CHSY3: variants seen among roughly 807,000 people sequenced by gnomAD.
CHSY3 encodes N-acetylgalactosaminyl-proteoglycan 3-beta-glucuronosyltransferase 3.
A neutral mutation model predicts 67.2 loss-of-function variants in CHSY3; 35 were observed. The ratio of observed to expected loss-of-function variants is 0.52; its 90% CI spans 0.40 to 0.69. CHSY3 has a LOEUF of 0.69. Ranked by LOEUF, CHSY3 falls within the 30% of genes least tolerant of loss-of-function variation. The pLI is 0.00. For missense variants in CHSY3, 1,069 were observed against 1,138.5 expected (o/e 0.94, Z 0.88); for synonymous variants, 474 against 434.7 (o/e 1.09, Z -1.12).
chr5:130,061,877 C>T (rs1765723958), intron 2 of CHSY3, among the ~76,000 whole-genome samples: 2 of 149,358 alleles, frequency 1.3e-5, no homozygotes, highest in Non-Finnish European at 2.9e-5. Flanking sequence ...GTCAAAATGG[C>T]TATTATTAAA....
At chr5:130,037,367 AATC>A (rs1455492286) in intron 2 of CHSY3, among the ~76,000 whole-genome samples, 2 of 152,248 alleles carry the variant, frequency 1.3e-5, no homozygotes, top group East Asian at 3.9e-4. Flanking sequence ...CAGGAAGACA[AATC>A]ATGATGTGCC....
intron 2 of CHSY3, among the ~76,000 whole-genome samples, chr5:129,960,677 TC>T (rs1450168412): frequency 6.6e-6 from 1 of 151,974 alleles, no homozygotes; most frequent in Non-Finnish European, 1.5e-5. Flanking sequence ...AAGCTTTGTA[TC>T]AACATCTTTT....
rs1468717884 is a variant in CHSY3 at position 130,143,732 on chromosome 5, G to GTATATATATATATATA, written c.1087-40496_1087-40495insATATATATATATATAT. Among the ~76,000 whole-genome samples the GTATATATATATATATA allele has an allele frequency of 4.1e-4, 41 of 99,266 alleles. 1 individual carries two copies. Among genetic ancestry groups the GTATATATATATATATA allele is most frequent in the African/African-American group, 1.6e-3 (39 of 24,008 alleles). 65.1% of individuals were successfully genotyped at this position (99,266 alleles called of 152,430 possible). A position where few individuals can be genotyped will look rare whatever the true frequency, so the allele number is the denominator to read the frequency against. On this transcript the variant is annotated intron_variant, in intron 2 of 2. Coordinates refer to ENST00000305031, the MANE Select transcript of CHSY3 (RefSeq NM_175856.5). ...GGTATATATATATATGTGTGTGTGT[G>GTATATATATATATATA]TGTATATATATATATATATATATAT...
At chr5:130,175,659 T>A (rs1266533629) in intron 2 of CHSY3, among the ~76,000 whole-genome samples, 1 of 152,134 alleles carries the variant, frequency 6.6e-6, no homozygotes, top group Non-Finnish European at 1.5e-5. Context: ...AAAACAGATA[T>A]ATAGACCAAT....
chr5:130,076,620 G>GA lies in CHSY3; in HGVS notation c.1087-107601dup, dbSNP rs543965368. On this transcript the variant is annotated intron_variant, in intron 2 of 2. Coordinates refer to ENST00000305031, the MANE Select transcript of CHSY3 (RefSeq NM_175856.5). Reference sequence around the variant, plus strand: ...ATGCACACTTCATATGTTCTCTAAAGAAAAAAAATATGTTAAGATACATAC... The same window carrying GA: ...ATGCACACTTCATATGTTCTCTAAAGAAAAAAAAATATGTTAAGATACATAC... 4.7e-3 allele frequency among the ~76,000 whole-genome samples: 709 copies of GA among 150,272 alleles called. 10 individuals are homozygous for GA. Among genetic ancestry groups the GA allele is most frequent in the African/African-American group, 0.016 (661 of 41,070 alleles).
At chr5:130,044,374 G>C (rs774878417) in intron 2 of CHSY3, among the ~76,000 whole-genome samples, 19 of 152,014 alleles carry the variant, frequency 1.2e-4, no homozygotes, top group Non-Finnish European at 2.5e-4. Context: ...GATAACATGG[G>C]GTTTTGTAGG....
chr5:130,063,867 T>G (rs1315620395), intron 2 of CHSY3, among the ~76,000 whole-genome samples: 2 of 152,130 alleles, frequency 1.3e-5, no homozygotes, highest in Non-Finnish European at 2.9e-5. Flanking sequence ...AGAGAAGCCC[T>G]CATGGCCTAA....
chr5:130,137,299 G>C (rs573957375), intron 2 of CHSY3, among the ~76,000 whole-genome samples: 1 of 152,062 alleles, frequency 6.6e-6, no homozygotes, highest in South Asian at 2.1e-4. Flanking sequence ...CAGTCCTGTG[G>C]AACCACACAG....
chr5:130,143,746 ATATATATATATGTGTG>A (rs1768955417), intron 2 of CHSY3, among the ~76,000 whole-genome samples: 1 of 112,202 alleles, frequency 8.9e-6, no homozygotes, highest in Admixed American at 9.8e-5. Flanking sequence ...ATATATATAT[ATATATATATATGTGTG>A]TGTGTGTATA....
intron 2 of CHSY3, among the ~76,000 whole-genome samples, chr5:130,124,863 T>TA (rs942730026): frequency 1.3e-5 from 2 of 152,112 alleles, no homozygotes; most frequent in East Asian, 1.9e-4. Context: ...AAAAAAGAGT[T>TA]AAAAAAATGC....
At chr5:130,152,655 A>G (rs1245711996) in intron 2 of CHSY3, among the ~76,000 whole-genome samples, 2 of 152,202 alleles carry the variant, frequency 1.3e-5, no homozygotes, top group Non-Finnish European at 2.9e-5. Context: ...ACATACAGCA[A>G]TAGACACAAG....
chr5:130,009,490 C>T lies in CHSY3; in HGVS notation c.1086+101130C>T, dbSNP rs571661222. 3.8e-4 allele frequency among the ~76,000 whole-genome samples: 57 copies of T among 150,422 alleles called. No homozygotes were observed. The East Asian group carries it at 9.8e-3, about 26-fold the overall frequency. ...GAGTGCTAGACATGAAATCAAAAGA[C>T]ATTACTGGCCACCAAAAAAAAAAAG... On this transcript the variant is annotated intron_variant, in intron 2 of 2. Transcript: ENST00000305031.
At chr5:130,179,706 A>G (rs996090714) in intron 2 of CHSY3, among the ~76,000 whole-genome samples, 1 of 147,416 alleles carries the variant, frequency 6.8e-6, no homozygotes, top group African/African-American at 2.4e-5. Flanking sequence ...TGGGGGCAAA[A>G]GGAAGTGGTA....
intron 2 of CHSY3, among the ~76,000 whole-genome samples, chr5:130,043,026 A>T (rs1221575218): frequency 6.6e-6 from 1 of 152,096 alleles, no homozygotes. Context: ...AAATTTTTGC[A>T]AAGTTATTGT....
intron 2 of CHSY3, among the ~76,000 whole-genome samples, chr5:129,931,796 G>A (rs187164301): frequency 8.5e-4 from 129 of 152,062 alleles, no homozygotes; most frequent in African/African-American, 3.1e-3. Flanking sequence ...TCCTGGCATG[G>A]ATTTTGTCTT....
intron 2 of CHSY3, among the ~76,000 whole-genome samples, chr5:130,151,489 AGTGCTGGGAAC>A (rs1769230687): frequency 6.6e-6 from 1 of 152,222 alleles, no homozygotes; most frequent in South Asian, 2.1e-4. Flanking sequence ...TGCTAATCTC[AGTGCTGGGAAC>A]GTGGCTGTTG....
rs75731458 is a variant in CHSY3 at position 130,032,826 on chromosome 5, C to G, written c.1086+124466C>G. Among the ~76,000 whole-genome samples, 1,512 of 152,256 alleles carry G rather than the reference C, an allele frequency of 9.9e-3. 28 individuals are homozygous for G. The highest frequency in any genetic ancestry group is 0.035 in the African/African-American group (1,457 of 41,560). On this transcript the variant is annotated intron_variant, in intron 2 of 2. Coordinates refer to ENST00000305031, the MANE Select transcript of CHSY3 (RefSeq NM_175856.5). ...CATGTGAGATTTAACACCATTAACACCTGTGAAAGGAGAAGGGTGAGGAAG... is the reference window on the plus strand; with the variant it reads ...CATGTGAGATTTAACACCATTAACAGCTGTGAAAGGAGAAGGGTGAGGAAG...
At chr5:130,024,870 C>G (rs1764495580) in intron 2 of CHSY3, among the ~76,000 whole-genome samples, 1 of 151,990 alleles carries the variant, frequency 6.6e-6, no homozygotes, top group Non-Finnish European at 1.5e-5. Context: ...TTGAGTTATT[C>G]TAAAGGTATT....
chr5:130,038,266 A>G (rs1432141693), intron 2 of CHSY3, among the ~76,000 whole-genome samples: 1 of 152,134 alleles, frequency 6.6e-6, no homozygotes, highest in Non-Finnish European at 1.5e-5. Flanking sequence ...ATTGAGGGAC[A>G]GTGAAAAAGG....
Sources: allele counts gnomAD v4.1 joint callset (sites outside exome capture counted in the v4.1 genomes callset), GRCh38; gene constraint gnomAD v4.1.1; transcripts MANE v1.5; gene names NCBI Gene and HGNC (gene_info 2026-07-23, HGNC 2026-07-21).